The following SPATC1L variants were observed in gnomAD, a reference collection of about 807,000 sequenced individuals.
SPATC1L encodes the protein speriolin-like protein.
Under a neutral mutation model 21.2 loss-of-function variants are expected in SPATC1L, and 20 were observed. The ratio of observed to expected loss-of-function variants is 0.94; its 90% CI spans 0.66 to 1.37. SPATC1L has a LOEUF of 1.37. Ranked by LOEUF, SPATC1L falls within the 40% of genes most tolerant of loss-of-function variation. The pLI, the probability that SPATC1L is intolerant of heterozygous loss-of-function variation, is 0.00. For missense variants in SPATC1L, 499 were observed against 478.7 expected, an observed-to-expected ratio of 1.04 and a Z score of -0.40; for synonymous variants, 290 against 234.5, an observed-to-expected ratio of 1.24 and a Z score of -2.16.
chr21:46,167,301 T>A (rs1206205303), intron 3 of SPATC1L, among the ~76,000 whole-genome samples: 1 of 152,184 alleles, frequency 6.6e-6, no homozygotes, highest in African/African-American at 2.4e-5. Flanking sequence ...GCTATAGCTG[T>A]AAGTGCTAAG....
Position 46,161,899 on chromosome 21 carries a change from C to G in SPATC1L, c.696+17G>C, listed in dbSNP as rs771211520. The G allele has an allele frequency of 1.2e-6, 2 of 1,602,814 alleles. No homozygotes were observed. The highest frequency in any genetic ancestry group is 4.5e-5 in the East Asian group (2 of 44,770). On this transcript the variant is annotated intron_variant, in intron 4 of 4. Coordinates refer to ENST00000291672, the MANE Select transcript of SPATC1L (RefSeq NM_001142854.2). The stretch of plus-strand genomic sequence containing the variant: ...CGCCCCGCACCCTCCTGGCCGCGCC[C>G]TCCCCACGGGGCGCACCTGCTCGAT...
Position 46,183,154 on chromosome 21 carries a change from A to C in SPATC1L, c.-338T>G, listed in dbSNP as rs2123660171. ...AAGAGGGGCGTCCAAGCCACTCCCC[A>C]TTGAGCGGCCCAGCCAGGGTCGGGT... is the stretch of plus-strand genomic sequence containing the variant. On this transcript the variant is annotated 5_prime_UTR_variant, in exon 2 of 5. The change abolishes an upstream ATG in the 5' untranslated region. Coordinates refer to ENST00000291672, the MANE Select transcript of SPATC1L (RefSeq NM_001142854.2). 13 of 317,800 alleles carry C rather than the reference A, an allele frequency of 4.1e-5. No individual in the cohort carries two copies. Among genetic ancestry groups the C allele is most frequent in the Non-Finnish European group, 5.8e-5 (10 of 172,256 alleles). 19.7% of individuals were successfully genotyped at this position (317,800 alleles called of 1,614,324 possible).
In SPATC1L at chr21:46,161,977, A is replaced by G; in HGVS notation, c.635T>C (p.Phe212Ser). 4 of 1,607,772 alleles carry G rather than the reference A, an allele frequency of 2.5e-6. No homozygotes were observed. The South Asian group carries it at 4.4e-5, about 18-fold the overall frequency. Residue 212 changes from phenylalanine (F) to serine (S), a missense_variant, in exon 4 of 5, where the codon TTC becomes TCC. Phe to Ser is a radical substitution (Grantham distance 155, BLOSUM62 -2). Transcript: ENST00000291672. ...GCCGTAGAGCCGCGTCACGCCCGGG[A>G]ACACGTAGGCCAGGATGCGGCGGTC... The part of the protein sequence containing the change: ...QLDRRILAYV[F>S]PGVTRLYGFT...
intron 3 of SPATC1L, among the ~76,000 whole-genome samples, chr21:46,166,831 G>T (rs2079544245): frequency 6.6e-6 from 1 of 152,138 alleles, no homozygotes; most frequent in African/African-American, 2.4e-5. Flanking sequence ...AATAGTAACT[G>T]GAGACTTCAA....
At chr21:46,168,777 G>C in intron 2 of SPATC1L, 119 bp from the exon 3 acceptor site, 1 of 568,792 alleles carries the variant, frequency 1.8e-6, no homozygotes, top group Non-Finnish European at 2.7e-6. Flanking sequence ...ACACCTGCCG[G>C]GGTTTCCCTG....
At position 46,182,769 on chromosome 21, in the gene SPATC1L, C is replaced by T. The variant is rs921984256; in HGVS notation, c.48G>A (p.Ala16=). ...GGAGGCGCACCTGCTTCTTCAGGTCCGCGTTCTCGCTCAGGAGCCGGCTCA... is the reference window on the plus strand; with the variant it reads ...GGAGGCGCACCTGCTTCTTCAGGTCTGCGTTCTCGCTCAGGAGCCGGCTCA... The part of the protein sequence containing the change: ...ELMSRLLSEN[A]DLKKQVRLLK... The change falls in exon 2 of 5, where the codon GCG becomes GCA. Residue 16 remains alanine (A), a synonymous_variant. Coordinates refer to ENST00000291672, the MANE Select transcript of SPATC1L (RefSeq NM_001142854.2). 4.4e-5 allele frequency: 68 copies of T among 1,547,184 alleles called. No homozygotes were observed. Among genetic ancestry groups the T allele is most frequent in the African/African-American group, 1.1e-4 (8 of 73,132 alleles).
In SPATC1L at chr21:46,169,270, A is replaced by C. The variant is rs76802500; in HGVS notation, c.194-612T>G. ...GCTCTGTGAGCATCCTCTGTGGATG[A>C]GGAGGAGCCCCCTGCTCTGTGAACA... On this transcript the variant is annotated intron_variant, in intron 2 of 4. Transcript: ENST00000291672. 2.3e-5 allele frequency among the ~76,000 whole-genome samples: 2 copies of C among 87,614 alleles called. 1 individual carries two copies. The highest frequency in any genetic ancestry group is 2.2e-4 in the Admixed American group (2 of 9,046). 57.5% of individuals were successfully genotyped at this position (87,614 alleles called of 152,430 possible). A position where few individuals can be genotyped will look rare whatever the true frequency, so the allele number is the denominator to read the frequency against.
At chr21:46,178,253 AAAAC>A (rs1403539632) in intron 2 of SPATC1L, among the ~76,000 whole-genome samples, 1 of 147,336 alleles carries the variant, frequency 6.8e-6, no homozygotes, top group Non-Finnish European at 1.5e-5. Context: ...AAAAAAAAAA[AAAAC>A]CAGAATGAGA....
At chr21:46,184,173 C>A (rs796990145) in intron 1 of SPATC1L, among the ~76,000 whole-genome samples, 183 bp downstream of exon 1, 12 of 152,296 alleles carry the variant, frequency 7.9e-5, no homozygotes, top group African/African-American at 2.9e-4. Flanking sequence ...TTGTTCCTGA[C>A]TGCACTGCTC....
intron 2 of SPATC1L, among the ~76,000 whole-genome samples, chr21:46,175,418 A>G (rs558592689): frequency 6.6e-6 from 1 of 152,312 alleles, no homozygotes; most frequent in Admixed American, 6.5e-5. Flanking sequence ...CACTAGCTAG[A>G]CTAATAAAGA....
chr21:46,164,840 C>T (rs2079529226), intron 3 of SPATC1L, among the ~76,000 whole-genome samples: 2 of 150,412 alleles, frequency 1.3e-5, no homozygotes, highest in South Asian at 4.3e-4. Context: ...CATCCCCCCA[C>T]CAAGGCAAAA....
In SPATC1L at chr21:46,161,325, C is replaced by G; in HGVS notation, c.*54G>C. ...GGGGACGCGCAGGAGGCACCGCGGC[C>G]CCGGGTTGGAACAAACGCGTTTACT... is the stretch of plus-strand genomic sequence containing the variant. On this transcript the variant is annotated 3_prime_UTR_variant, in exon 5 of 5. Transcript: ENST00000291672. The G allele has an allele frequency of 2.8e-6, 4 of 1,438,678 alleles. No homozygotes were observed. In the South Asian group the frequency reaches 4.4e-5, roughly 16 times the overall value. 89.1% of individuals were successfully genotyped at this position (1,438,678 alleles called of 1,614,324 possible).
intron 3 of SPATC1L, among the ~76,000 whole-genome samples, chr21:46,166,555 C>T (rs2123624469): frequency 6.6e-6 from 1 of 151,682 alleles, no homozygotes; most frequent in East Asian, 1.9e-4. Flanking sequence ...CCTATAAAGA[C>T]TCACACAGAC....
At chr21:46,170,677 CT>C (rs199563309) in intron 2 of SPATC1L, among the ~76,000 whole-genome samples, 1 of 28,006 alleles carries the variant, frequency 3.6e-5, no homozygotes. Flanking sequence ...GGGGAGGAGC[CT>C]CCCTGCTCTG....
chr21:46,172,067 G>T (rs2079594916), intron 2 of SPATC1L, among the ~76,000 whole-genome samples: 2 of 147,112 alleles, frequency 1.4e-5, no homozygotes, highest in African/African-American at 2.5e-5. Flanking sequence ...GGAGTGCAGA[G>T]CATGAGGCGG....
intron 2 of SPATC1L, among the ~76,000 whole-genome samples, chr21:46,178,320 A>T (rs1336777491): frequency 4.6e-5 from 7 of 152,138 alleles, no homozygotes; most frequent in Non-Finnish European, 1.0e-4. Flanking sequence ...TCCTCAGCAA[A>T]CTAATGCAGG....
intron 2 of SPATC1L, among the ~76,000 whole-genome samples, chr21:46,169,152 A>T (rs989491247): frequency 6.6e-6 from 1 of 152,252 alleles, no homozygotes; most frequent in Admixed American, 6.5e-5. Flanking sequence ...CACACACTGA[A>T]TTTTTAACCC....
chr21:46,161,225 G>T lies in SPATC1L; in HGVS notation c.*154C>A. ...CAGGTGCGGGCAGCGGCGGGCTGCG[G>T]TCGGGGCCCAGCACCGGTGGGAGCG... On this transcript the variant is annotated 3_prime_UTR_variant, in exon 5 of 5. Transcript: ENST00000291672. 1.6e-6 allele frequency: 1 copy of T among 629,542 alleles called. No homozygotes were observed. Among genetic ancestry groups the T allele is most frequent in the Non-Finnish European group, 2.4e-6 (1 of 410,140 alleles). 39.0% of individuals were successfully genotyped at this position (629,542 alleles called of 1,614,324 possible).
At chr21:46,173,211 C>T (rs1207039688) in intron 2 of SPATC1L, among the ~76,000 whole-genome samples, 3 of 152,226 alleles carry the variant, frequency 2.0e-5, no homozygotes, top group Non-Finnish European at 4.4e-5. Context: ...AACCTGAGCA[C>T]CCCTTCGTCT....
Sources: allele counts gnomAD v4.1 joint callset (sites outside exome capture counted in the v4.1 genomes callset), GRCh38; gene constraint gnomAD v4.1.1; transcripts MANE v1.5; gene names NCBI Gene and HGNC (gene_info 2026-07-23, HGNC 2026-07-21).